RPS3A: variants seen among roughly 807,000 people sequenced by gnomAD.
RPS3A encodes ribosomal protein S3A.
In RPS3A, 1 loss-of-function variant was observed where a neutral mutation model predicts 26.4. That is an observed-to-expected ratio of 0.04 (90% CI 0.01 to 0.18). The LOEUF is 0.18. RPS3A is among the 10% of genes least tolerant of loss of function. The pLI is 1.00. For synonymous variants in RPS3A, 97 were observed against 106.1 expected (o/e 0.91, Z 0.53); for missense variants, 139 against 326.8 (o/e 0.43, Z 4.43).
At chr4:151,099,780 G>T (rs900050632) in intron 1 of RPS3A, 66 bp downstream of exon 1, 5 of 1,519,406 alleles carry the variant, frequency 3.3e-6, no homozygotes, top group Admixed American at 3.8e-5. Flanking sequence ...GCTGGTCCTA[G>T]ATCGCGGCGT....
Position 151,103,103 on chromosome 4 carries a change from C to G in RPS3A, c.563+24C>G, listed in dbSNP as rs368763147. 1.4e-4 allele frequency: 223 copies of G among 1,587,418 alleles called. 1 individual carries two copies. The highest frequency in any genetic ancestry group is 1.8e-4 in the Non-Finnish European group (215 of 1,174,020). On this transcript the variant is annotated intron_variant, in intron 4 of 5. Coordinates refer to ENST00000274065, the MANE Select transcript of RPS3A (RefSeq NM_001006.5). The stretch of plus-strand genomic sequence containing the variant: ...TTGTAAGTGTTTCTTTGCTTCCTCA[C>G]ACAACACAACCTTGAGTATTGGATT...
At chr4:151,101,313 C>T in intron 3 of RPS3A, 151 bp downstream of exon 3, 1 of 502,966 alleles carries the variant, frequency 2.0e-6, no homozygotes, top group Non-Finnish European at 3.4e-6. Flanking sequence ...TGTTTTCTTG[C>T]CGTTGTTGAG....
chr4:151,101,775 C>T (rs555397406), intron 3 of RPS3A, among the ~76,000 whole-genome samples: 8 of 152,054 alleles, frequency 5.3e-5, no homozygotes, highest in South Asian at 2.1e-4. Context: ...TCTTATCGTC[C>T]GGGCTGGAGT....
At chr4:151,103,861 T>C (rs1464674923) in intron 4 of RPS3A, 2 of 1,409,076 alleles carry the variant, frequency 1.4e-6, no homozygotes, top group Non-Finnish European at 1.9e-6. Context: ...TCCCAGATGA[T>C]GGCCAGTGAT....
intron 1 of RPS3A, chr4:151,100,090 C>T (rs1024172338): frequency 2.1e-5 from 11 of 528,680 alleles, no homozygotes; most frequent in South Asian, 7.8e-5. Context: ...TTTGCTTGGT[C>T]CCGCTGGAAT....
chr4:151,104,524 T>C lies in RPS3A; in HGVS notation c.726T>C (p.Thr242=), dbSNP rs775049557. The change falls in exon 6 of 6, where the codon ACT becomes ACC. Residue 242 remains threonine, a synonymous_variant. Transcript: ENST00000274065. Reference sequence around the variant, plus strand: ...AAGGCAGTAGTTCTGGAAAAGCCACTGGGGACGAGACAGGTGCTAAAGTTG... The same window carrying C: ...AAGGCAGTAGTTCTGGAAAAGCCACCGGGGACGAGACAGGTGCTAAAGTTG... ...HGEGSSSGKA[T]GDETGAKVER... is the part of the protein sequence containing the mutation. 3 of 1,491,044 alleles carry C rather than the reference T, an allele frequency of 2.0e-6. No individual in the cohort carries two copies. Among genetic ancestry groups the C allele is most frequent in the Middle Eastern group, 2.0e-4 (1 of 5,082 alleles). The allele number at this position is 1,491,044 out of a possible 1,614,324, so 92.4% of individuals were successfully genotyped here. A position where few individuals can be genotyped will look rare whatever the true frequency, so the allele number is the denominator to read the frequency against.
rs535947446 is a variant in RPS3A at position 151,102,488 on chromosome 4, CATAGA to C, written c.355-379_355-375del. ...ATAATCACTGTAGATGTGTTCATAC[CATAGA>C]ATACCATGGATCCTCTCAGACCTAT... On this transcript the variant is annotated intron_variant, in intron 3 of 5. Coordinates refer to ENST00000274065, the MANE Select transcript of RPS3A (RefSeq NM_001006.5). 1.1e-4 allele frequency among the ~76,000 whole-genome samples: 16 copies of C among 152,106 alleles called. No homozygotes were observed. The South Asian group carries it at 3.3e-3, about 32-fold the overall frequency.
chr4:151,099,824 C>A, intron 1 of RPS3A, 110 bp downstream of exon 1: 2 of 1,191,536 alleles, frequency 1.7e-6, no homozygotes, highest in African/African-American at 1.5e-5. Context: ...TCGGATTGTG[C>A]GGGCCGTGGC....
At chr4:151,102,218 G>C (rs1232410509) in intron 3 of RPS3A, 7 of 304,592 alleles carry the variant, frequency 2.3e-5, no homozygotes, top group Non-Finnish European at 3.3e-5. Context: ...TTATACTAAG[G>C]TATAAAATTT....
chr4:151,104,445 T>TTTG (rs1246495409), intron 5 of RPS3A, 27 bp from the exon 6 acceptor site: 15 of 1,349,280 alleles, frequency 1.1e-5, no homozygotes, highest in Non-Finnish European at 1.4e-5. Flanking sequence ...TTTGGTTTTT[T>TTTG]TTTTTTTTTT....
intron 3 of RPS3A, chr4:151,102,274 G>A (rs1241172414): frequency 2.5e-5 from 6 of 240,482 alleles, no homozygotes; most frequent in Non-Finnish European, 5.0e-5. Flanking sequence ...TACCCAAGAT[G>A]TTTTTTGTTT....
intron 5 of RPS3A, 34 bp from the exon 6 acceptor site, chr4:151,104,438 G>GGTTTTTTT (rs1554025665): frequency 2.7e-6 from 1 of 370,332 alleles, no homozygotes; most frequent in Non-Finnish European, 4.1e-6. Flanking sequence ...ACAGTTTTTT[G>GGTTTTTTT]GTTTTTTTTT....
At chr4:151,104,444 T>TTTTTTTTTTTTTTTTTTTTTTTTC in intron 5 of RPS3A, 28 bp from the exon 6 acceptor site, 1 of 1,330,582 alleles carries the variant, frequency 7.5e-7, no homozygotes, top group Non-Finnish European at 9.7e-7. Flanking sequence ...TTTTGGTTTT[T>TTTTTTTTTTTTTTTTTTTTTTTTC]TTTTTTTTTT....
chr4:151,100,942 A>C (rs760000781), intron 2 of RPS3A, 33 bp from the exon 3 acceptor site: 3 of 1,510,116 alleles, frequency 2.0e-6, no homozygotes, highest in Non-Finnish European at 1.8e-6. Flanking sequence ...TATGGTTCCT[A>C]AATGTTAAGA....
intron 1 of RPS3A, 101 bp downstream of exon 1, chr4:151,099,815 C>A: frequency 7.8e-7 from 1 of 1,279,840 alleles, no homozygotes; most frequent in Non-Finnish European, 1.1e-6. Flanking sequence ...GGATTCCAGT[C>A]GGATTGTGCG....
In RPS3A at chr4:151,104,497, T is replaced by A. The variant is rs1482306301; in HGVS notation, c.699T>A (p.Gly233=). ...TGGGAAAGCTCATGGAGCTTCATGGTGAAGGCAGTAGTTCTGGAAAAGCCA... is the reference window on the plus strand; with the variant it reads ...TGGGAAAGCTCATGGAGCTTCATGGAGAAGGCAGTAGTTCTGGAAAAGCCA... The part of the protein sequence containing the change: ...FELGKLMELH[G]EGSSSGKATG... Residue 233 remains glycine (G), a synonymous_variant, in exon 6 of 6, where the codon GGT becomes GGA. Transcript: ENST00000274065. The A allele has an allele frequency of 2.7e-6, 4 of 1,463,644 alleles. No homozygotes were observed. The highest frequency in any genetic ancestry group is 3.6e-6 in the Non-Finnish European group (4 of 1,098,822). 90.7% of individuals were successfully genotyped at this position (1,463,644 alleles called of 1,614,324 possible).
At position 151,101,132 on chromosome 4, in the gene RPS3A, C is replaced by T. The variant is rs775982029; in HGVS notation, c.324C>T (p.Asp108=). Residue 108 remains aspartate, a synonymous_variant, in exon 3 of 6, where the codon GAC becomes GAT. Transcript: ENST00000274065. ...TCCATGGCATGGATCTTACCCGTGA[C>T]AAAATGTGTTCCATGGTCAAAAAAT... ...TNFHGMDLTR[D]KMCSMVKKWQ... 3.1e-6 allele frequency: 5 copies of T among 1,604,958 alleles called. No individual in the cohort carries two copies. In the South Asian group the frequency reaches 5.5e-5, roughly 18 times the overall value.
Position 151,099,752 on chromosome 4 carries a change from G to A in RPS3A, c.62+38G>A, listed in dbSNP as rs760571849. 8 of 1,591,610 alleles carry A rather than the reference G, an allele frequency of 5.0e-6. No individual in the cohort carries two copies. The Admixed American group carries it at 1.2e-4, about 24-fold the overall frequency. On this transcript the variant is annotated intron_variant, in intron 1 of 5. Coordinates refer to ENST00000274065, the MANE Select transcript of RPS3A (RefSeq NM_001006.5). ...TGTCGTGGCGTCTTGCTTTTTGGGG[G>A]TCTGCTGGAATCGGCGGGCTGGTCC... is the stretch of plus-strand genomic sequence containing the variant.
At chr4:151,104,122 C>CTTATA in intron 4 of RPS3A, 55 bp from the exon 5 acceptor site, 1 of 1,433,490 alleles carries the variant, frequency 7.0e-7, no homozygotes, top group Non-Finnish European at 9.1e-7. Flanking sequence ...AAGGAAATGG[C>CTTATA]TTATATCTGA....
Sources: allele counts gnomAD v4.1 joint callset (sites outside exome capture counted in the v4.1 genomes callset), GRCh38; gene constraint gnomAD v4.1.1; transcripts MANE v1.5; gene names NCBI Gene and HGNC (gene_info 2026-07-23, HGNC 2026-07-21).